Variants in TTC3 observed in about 807,000 individuals in gnomAD.
TTC3 encodes tetratricopeptide repeat domain 3.
TTC3 carries 180 observed loss-of-function variants against 249.6 expected under a neutral mutation model. The ratio of observed to expected loss-of-function variants is 0.72; its 90% CI spans 0.64 to 0.82. The LOEUF is 0.82. Among genes scored for constraint, TTC3 ranks in the 40% least tolerant of loss-of-function variants. The pLI, the probability that TTC3 is intolerant of heterozygous loss-of-function variation, is 0.00. For synonymous variants in TTC3, 717 were observed against 805.0 expected, an observed-to-expected ratio of 0.89 and a Z score of 1.85; for missense variants, 2,061 against 2,398.4, an observed-to-expected ratio of 0.86 and a Z score of 2.94.
intron 11 of TTC3, among the ~76,000 whole-genome samples, chr21:37,120,135 A>G (rs1186793969): frequency 6.6e-6 from 1 of 152,206 alleles, no homozygotes; most frequent in African/African-American, 2.4e-5. Context: ...TGTTACTGTG[A>G]GAAGTGGGAA....
At chr21:37,202,351 C>T (rs1038029894) in exon 46 of TTC3, 2 of 152,218 alleles carry the variant, frequency 1.3e-5, no homozygotes, top group African/African-American at 4.8e-5. Context: ...CCGGTTGGAG[C>T]CTGCTCTTTG....
At chr21:37,144,673 C>G in intron 21 of TTC3, 28 bp downstream of exon 21, 1 of 1,598,360 alleles carries the variant, frequency 6.3e-7, no homozygotes, top group South Asian at 1.1e-5. Context: ...CAGAGTGTTT[C>G]TTACTGTGAA....
intron 5 of TTC3, 35 bp from the exon 6 acceptor site, chr21:37,090,198 A>G (rs753201431): frequency 1.9e-6 from 3 of 1,539,632 alleles, no homozygotes; most frequent in South Asian, 2.4e-5. Flanking sequence ...AATTGACTGA[A>G]TAAGGAAAAA....
At chr21:37,160,661 TA>T in intron 29 of TTC3, 140 bp from the exon 30 acceptor site, 4 of 789,840 alleles carry the variant, frequency 5.1e-6, no homozygotes, top group Non-Finnish European at 8.2e-6. Flanking sequence ...CTTGGGCTGA[TA>T]CACTGTAGTG....
At chr21:37,174,507 AAAG>A in intron 35 of TTC3, among the ~76,000 whole-genome samples, 1 of 34,598 alleles carries the variant, frequency 2.9e-5, no homozygotes, top group South Asian at 1.1e-3. Flanking sequence ...TAAAACATAG[AAAG>A]AAATGAGTGG....
At chr21:37,132,882 T>A in intron 17 of TTC3, 116 bp downstream of exon 17, 11 of 737,536 alleles carry the variant, frequency 1.5e-5, no homozygotes, top group Non-Finnish European at 2.0e-5. Flanking sequence ...ATTATTGTAT[T>A]ATATTGTAGT....
intron 23 of TTC3, among the ~76,000 whole-genome samples, chr21:37,149,660 G>T (rs2079278228): frequency 6.6e-6 from 1 of 152,188 alleles, no homozygotes; most frequent in Non-Finnish European, 1.5e-5. Context: ...CAGTTCTGCA[G>T]TTGTTGGCTG....
In TTC3 at chr21:37,090,220, T is replaced by A; in HGVS notation, c.427-13T>A. On this transcript the variant is annotated splice_polypyrimidine_tract_variant and intron_variant, in intron 5 of 45. Coordinates refer to ENST00000355666, the Ensembl canonical transcript of TTC3. Reference sequence around the variant, plus strand: ...TGAATAAGGAAAAAATATGTCCTTTTTTTATTTTTCAGAATGATTCATTCC... The same window carrying A: ...TGAATAAGGAAAAAATATGTCCTTTATTTATTTTTCAGAATGATTCATTCC... 1.3e-6 allele frequency: 2 copies of A among 1,581,168 alleles called. No individual in the cohort carries two copies. Among genetic ancestry groups the A allele is most frequent in the Non-Finnish European group, 1.7e-6 (2 of 1,162,160 alleles).
intron 13 of TTC3, among the ~76,000 whole-genome samples, chr21:37,124,150 C>G (rs2076865362): frequency 1.0e-5 from 1 of 96,996 alleles, no homozygotes; most frequent in Non-Finnish European, 2.1e-5. Context: ...CAGTCTCCCT[C>G]TGTCACCTAG....
chr21:37,130,745 A>G (rs777869581), intron 16 of TTC3, among the ~76,000 whole-genome samples: 3 of 151,984 alleles, frequency 2.0e-5, no homozygotes, highest in Non-Finnish European at 2.9e-5. Context: ...TAGGCTCTTC[A>G]TTCCTCTTTT....
At chr21:37,112,415 C>T (rs2075755381) in intron 11 of TTC3, among the ~76,000 whole-genome samples, 1 of 152,204 alleles carries the variant, frequency 6.6e-6, no homozygotes, top group Admixed American at 6.5e-5. Context: ...GTAAACACCT[C>T]TACGCAAATA....
At chr21:37,162,224 T>TATA (rs373917348) in intron 31 of TTC3, among the ~76,000 whole-genome samples, 161 bp downstream of exon 31, 8 of 152,238 alleles carry the variant, frequency 5.3e-5, no homozygotes, top group African/African-American at 1.9e-4. Context: ...TGATTACATT[T>TATA]ATATAGTGTG....
At chr21:37,196,402 A>G (rs1309478254) in intron 42 of TTC3, among the ~76,000 whole-genome samples, 1 of 151,976 alleles carries the variant, frequency 6.6e-6, no homozygotes, top group Non-Finnish European at 1.5e-5. Flanking sequence ...AAGCCTGGCT[A>G]ATTTTTGTAT....
At chr21:37,121,792 A>G in intron 11 of TTC3, 25 bp from the exon 12 acceptor site, 1 of 1,528,834 alleles carries the variant, frequency 6.5e-7, no homozygotes, top group Non-Finnish European at 8.8e-7. Flanking sequence ...TTTGAGAAAA[A>G]ATTAAATTTA....
At chr21:37,106,868 T>A (rs1000549094) in intron 10 of TTC3, among the ~76,000 whole-genome samples, 1 of 152,214 alleles carries the variant, frequency 6.6e-6, no homozygotes, top group African/African-American at 2.4e-5. Flanking sequence ...CACTCCAGCC[T>A]GGGTGACAGA....
chr21:37,076,380 T>C (rs1053756296), intron 1 of TTC3, among the ~76,000 whole-genome samples: 5 of 152,254 alleles, frequency 3.3e-5, no homozygotes, highest in South Asian at 4.1e-4. Context: ...TATGAAGTTA[T>C]ATACTTTTTG....
intron 19 of TTC3, among the ~76,000 whole-genome samples, chr21:37,139,116 A>G (rs1438702815): frequency 6.6e-6 from 1 of 152,158 alleles, no homozygotes; most frequent in East Asian, 1.9e-4. Context: ...AATATGGATT[A>G]TGTTTATATA....
chr21:37,108,240 A>T, intron 10 of TTC3, 152 bp from the exon 11 acceptor site: 1 of 592,780 alleles, frequency 1.7e-6, no homozygotes. Context: ...CAAATTTCCT[A>T]TAATGGACAT....
chr21:37,191,693 C>G (rs1274354703), intron 40 of TTC3, among the ~76,000 whole-genome samples: 7 of 152,144 alleles, frequency 4.6e-5, no homozygotes, highest in Non-Finnish European at 8.8e-5. Context: ...ATTCTCCTGC[C>G]TCAGCCCCCC....
Sources: allele counts gnomAD v4.1 joint callset (sites outside exome capture counted in the v4.1 genomes callset), GRCh38; gene constraint gnomAD v4.1.1; transcripts MANE v1.5; gene names NCBI Gene and HGNC (gene_info 2026-07-23, HGNC 2026-07-21).